EBF2: variants seen among roughly 807,000 people sequenced by gnomAD.
EBF2 encodes transcription factor COE2.
EBF2 carries 21 observed loss-of-function variants against 72.8 expected under a neutral mutation model. The ratio of observed to expected loss-of-function variants is 0.29; its 90% CI spans 0.20 to 0.42. The LOEUF (loss-of-function observed/expected upper bound fraction) is 0.42, where lower values mean the gene tolerates loss of function less well. Ranked by LOEUF, EBF2 falls within the 10% of genes least tolerant of loss-of-function variation. The probability of loss-of-function intolerance (pLI) is 1.00; values close to 1 mark genes in which losing one functional copy is unlikely to be tolerated. For missense variants in EBF2, 637 were observed against 731.2 expected (o/e 0.87, Z 1.49); for synonymous variants, 299 against 274.2 (o/e 1.09, Z -0.89).
intron 6 of EBF2, among the ~76,000 whole-genome samples, chr8:25,922,317 T>A (rs1475002301): frequency 6.6e-6 from 1 of 152,208 alleles, no homozygotes; most frequent in Non-Finnish European, 1.5e-5. Flanking sequence ...AATCTGCATT[T>A]ATAAATCTGC....
intron 6 of EBF2, among the ~76,000 whole-genome samples, chr8:25,968,544 G>A (rs1175420837): frequency 6.6e-6 from 1 of 152,124 alleles, no homozygotes; most frequent in Non-Finnish European, 1.5e-5. Flanking sequence ...GAAAATGGGA[G>A]TTGTTGTTTA....
intron 6 of EBF2, among the ~76,000 whole-genome samples, chr8:25,964,344 A>G (rs1585209904): frequency 6.6e-6 from 1 of 152,202 alleles, no homozygotes; most frequent in Non-Finnish European, 1.5e-5. Context: ...TAATCCAAGT[A>G]TACGTTTAGG....
chr8:26,013,390 C>G (rs1029430195), intron 6 of EBF2, among the ~76,000 whole-genome samples: 11 of 152,136 alleles, frequency 7.2e-5, no homozygotes, highest in African/African-American at 2.7e-4. Flanking sequence ...CTCCATCATC[C>G]CTTTAACTAA....
intron 6 of EBF2, among the ~76,000 whole-genome samples, chr8:25,931,676 T>G (rs1177791789): frequency 6.6e-6 from 1 of 152,166 alleles, no homozygotes; most frequent in Non-Finnish European, 1.5e-5. Flanking sequence ...TGATGGATGG[T>G]TTTTATTTTT....
At chr8:26,041,091 C>G in intron 2 of EBF2, 89 bp from the exon 3 acceptor site, 5 of 1,465,150 alleles carry the variant, frequency 3.4e-6, no homozygotes, top group Non-Finnish European at 4.7e-6. Context: ...CCTCACATCC[C>G]TTCTCCCCAT....
In EBF2 at chr8:25,875,122, G is replaced by A. The variant is rs145998597; in HGVS notation, c.1009+11633C>T. Among the ~76,000 whole-genome samples the A allele has an allele frequency of 6.9e-3, 1,052 of 152,242 alleles. 14 individuals are homozygous for A. The highest frequency in any genetic ancestry group is 0.024 in the African/African-American group (981 of 41,532). On this transcript the variant is annotated intron_variant, in intron 10 of 15. Transcript: ENST00000520164. The stretch of plus-strand genomic sequence containing the variant: ...TAGATCGAGATATTCAGGGCATGAT[G>A]TGGTAGGTCTTTCAAGATGAATCCA...
chr8:25,911,826 A>C (rs376423995), intron 6 of EBF2, among the ~76,000 whole-genome samples: 216 of 152,254 alleles, frequency 1.4e-3, no homozygotes, highest in African/African-American at 4.7e-3. Flanking sequence ...AAACCCACTG[A>C]GATAAAACTG....
At chr8:25,868,824 ATATTT>A (rs1802380593) in intron 10 of EBF2, among the ~76,000 whole-genome samples, 1 of 152,154 alleles carries the variant, frequency 6.6e-6, no homozygotes, top group Admixed American at 6.5e-5. Context: ...TTCTCTGAAA[ATATTT>A]TATTTTTCCT....
At chr8:25,890,729 T>G (rs1016869615) in intron 7 of EBF2, among the ~76,000 whole-genome samples, 1 of 152,192 alleles carries the variant, frequency 6.6e-6, no homozygotes, top group Non-Finnish European at 1.5e-5. Flanking sequence ...AGCACTGACA[T>G]GATGCTTAAA....
chr8:25,999,036 A>C (rs1804679927), intron 6 of EBF2, among the ~76,000 whole-genome samples: 1 of 152,226 alleles, frequency 6.6e-6, no homozygotes, highest in Non-Finnish European at 1.5e-5. Flanking sequence ...GAGCTGGAGA[A>C]GAAAGAGAGA....
At chr8:25,943,772 G>C (rs1001232202) in intron 6 of EBF2, among the ~76,000 whole-genome samples, 3 of 152,166 alleles carry the variant, frequency 2.0e-5, no homozygotes, top group African/African-American at 7.2e-5. Flanking sequence ...ATAATTCTCA[G>C]CTGAAACATC....
intron 10 of EBF2, among the ~76,000 whole-genome samples, chr8:25,874,687 T>A (rs1802491828): frequency 6.6e-6 from 1 of 151,838 alleles, no homozygotes; most frequent in Non-Finnish European, 1.5e-5. Flanking sequence ...TAAAAAATTA[T>A]TTATTTATTT....
intron 10 of EBF2, among the ~76,000 whole-genome samples, chr8:25,871,290 C>A (rs1481271512): frequency 6.6e-6 from 1 of 152,180 alleles, no homozygotes; most frequent in Non-Finnish European, 1.5e-5. Flanking sequence ...GCCAACCAGG[C>A]CATTAACTGC....
At chr8:26,015,521 C>T (rs553208728) in intron 6 of EBF2, among the ~76,000 whole-genome samples, 1 of 152,300 alleles carries the variant, frequency 6.6e-6, no homozygotes, top group South Asian at 2.1e-4. Context: ...CCTTGTTTGC[C>T]TTCAATAACT....
intron 10 of EBF2, among the ~76,000 whole-genome samples, chr8:25,874,234 G>A (rs918127144): frequency 2.0e-5 from 3 of 152,130 alleles, no homozygotes; most frequent in African/African-American, 7.2e-5. Context: ...GCACATCTGT[G>A]CAGCACAGCT....
intron 10 of EBF2, among the ~76,000 whole-genome samples, chr8:25,867,165 A>G (rs1802345993): frequency 6.6e-6 from 1 of 152,184 alleles, no homozygotes; most frequent in Non-Finnish European, 1.5e-5. Context: ...GCTGTCAGGA[A>G]TTTATGTGTC....
intron 7 of EBF2, among the ~76,000 whole-genome samples, chr8:25,896,431 T>G (rs190271890): frequency 3.3e-5 from 5 of 152,314 alleles, no homozygotes; most frequent in Non-Finnish European, 7.3e-5. Flanking sequence ...CTTATGAATG[T>G]GCATACACTC....
At chr8:25,921,780 A>G (rs1474792154) in intron 6 of EBF2, among the ~76,000 whole-genome samples, 1 of 152,178 alleles carries the variant, frequency 6.6e-6, no homozygotes, top group Non-Finnish European at 1.5e-5. Context: ...AGATGTCCAG[A>G]ATCTCTTCTT....
intron 6 of EBF2, among the ~76,000 whole-genome samples, chr8:25,908,784 TG>T (rs1803081466): frequency 6.6e-6 from 1 of 152,188 alleles, no homozygotes; most frequent in Non-Finnish European, 1.5e-5. Flanking sequence ...GATTGTTAAG[TG>T]GTTCACAAGG....
Sources: allele counts gnomAD v4.1 joint callset (sites outside exome capture counted in the v4.1 genomes callset), GRCh38; gene constraint gnomAD v4.1.1; transcripts MANE v1.5; gene names NCBI Gene and HGNC (gene_info 2026-07-23, HGNC 2026-07-21).